SLC26A7: variants seen among roughly 807,000 people sequenced by gnomAD.
SLC26A7 encodes the protein anion exchange transporter.
SLC26A7 carries 59 observed loss-of-function variants against 82.5 expected under a neutral mutation model. The observed-to-expected ratio is 0.72, with a 90% CI of 0.58 to 0.89. SLC26A7 has a LOEUF of 0.89. Ranked by LOEUF, SLC26A7 falls within the 40% of genes least tolerant of loss-of-function variation. The pLI is 0.00. For missense variants in SLC26A7, 820 were observed against 793.0 expected (o/e 1.03, Z -0.41); for synonymous variants, 271 against 274.3 (o/e 0.99, Z 0.12).
intron 11 of SLC26A7, among the ~76,000 whole-genome samples, chr8:91,360,043 T>A (rs978170071): frequency 6.6e-6 from 1 of 152,176 alleles, no homozygotes; most frequent in Non-Finnish European, 1.5e-5. Context: ...GTCAAAACTC[T>A]CTTTGAAGTA....
rs1176491066 is a variant in SLC26A7, at chr8:91,318,460, G to C, written c.642+80G>C. The C allele has an allele frequency of 1.1e-5, 14 of 1,311,602 alleles. No individual in the cohort carries two copies. The East Asian group carries it at 3.6e-4, about 34-fold the overall frequency. The allele number at this position is 1,311,602 out of a possible 1,614,324, so 81.2% of individuals were successfully genotyped here. ...GTAGAATTTGATTAATTATAGTACT[G>C]AGATTTTTCTGTATTAAAGCAACTT... On this transcript the variant is annotated intron_variant, in intron 5 of 18. Coordinates refer to ENST00000276609, the MANE Select transcript of SLC26A7 (RefSeq NM_052832.4).
At chr8:91,337,212 A>G (rs1028730167) in intron 6 of SLC26A7, among the ~76,000 whole-genome samples, 9 of 152,160 alleles carry the variant, frequency 5.9e-5, no homozygotes, top group Admixed American at 4.6e-4. Flanking sequence ...GAACAACAGG[A>G]ATAGGGGAAA....
intron 7 of SLC26A7, among the ~76,000 whole-genome samples, chr8:91,339,295 G>A (rs544333742): frequency 4.7e-4 from 72 of 151,870 alleles, no homozygotes; most frequent in South Asian, 8.3e-4. Context: ...AAAAAGTCAC[G>A]CCACTCCTCT....
At chr8:91,247,915 G>T (rs181229522), upstream of SLC26A7, among the ~76,000 whole-genome samples, 28 of 152,156 alleles carry the variant, frequency 1.8e-4, no homozygotes, top group Admixed American at 1.4e-3. Flanking sequence ...TATTATAAAG[G>T]TAATACATAA....
At chr8:91,334,533 G>A (rs1016519656) in intron 6 of SLC26A7, 86 bp downstream of exon 6, 6 of 1,218,666 alleles carry the variant, frequency 4.9e-6, no homozygotes, top group Non-Finnish European at 4.5e-6. Context: ...TATATTGTCT[G>A]TAGTAACCCT....
chr8:91,272,323 A>G (rs915370830), intron 2 of SLC26A7, among the ~76,000 whole-genome samples: 29 of 152,226 alleles, frequency 1.9e-4, no homozygotes, highest in African/African-American at 6.5e-4. Context: ...TAGTTTACTG[A>G]TAAATTGAAG....
chr8:91,377,362 T>C (rs1447312193), intron 15 of SLC26A7, among the ~76,000 whole-genome samples: 1 of 152,142 alleles, frequency 6.6e-6, no homozygotes, highest in Non-Finnish European at 1.5e-5. Flanking sequence ...TTTGGTGAGC[T>C]GAGTGCCCAC....
chr8:91,284,483 A>C (rs74912640), intron 2 of SLC26A7, among the ~76,000 whole-genome samples: 1,788 of 152,326 alleles, frequency 0.012, 30 homozygotes, highest in African/African-American at 0.041. Flanking sequence ...GCTTTAAAAG[A>C]CTAACCACAG....
At chr8:91,311,861 T>A (rs183017417) in intron 4 of SLC26A7, among the ~76,000 whole-genome samples, 21 of 152,276 alleles carry the variant, frequency 1.4e-4, no homozygotes, top group Non-Finnish European at 2.9e-4. Flanking sequence ...TCTCAGTATA[T>A]CAGCACTTTA....
chr8:91,264,186 A>G (rs1181290856), intron 2 of SLC26A7, among the ~76,000 whole-genome samples: 1 of 152,084 alleles, frequency 6.6e-6, no homozygotes, highest in Non-Finnish European at 1.5e-5. Context: ...TCCACCTATC[A>G]CAGGAAAAGT....
intron 2 of SLC26A7, among the ~76,000 whole-genome samples, chr8:91,259,995 C>A (rs1359871595): frequency 6.6e-6 from 1 of 152,088 alleles, no homozygotes. Flanking sequence ...ACTGTTGATA[C>A]CTCTATTTTG....
intron 6 of SLC26A7, among the ~76,000 whole-genome samples, chr8:91,335,486 C>G (rs1306148277): frequency 1.3e-5 from 2 of 151,968 alleles, no homozygotes; most frequent in Non-Finnish European, 2.9e-5. Flanking sequence ...TGAAACATAC[C>G]ATCTTATCTT....
At chr8:91,307,522 C>A (rs1812347625) in intron 4 of SLC26A7, among the ~76,000 whole-genome samples, 1 of 146,036 alleles carries the variant, frequency 6.8e-6, no homozygotes. Flanking sequence ...AATTGGAAAT[C>A]ATCATTTTCA....
At chr8:91,215,675 C>T (rs988107553) in intron 1 of SLC26A7, among the ~76,000 whole-genome samples, 1 of 152,148 alleles carries the variant, frequency 6.6e-6, no homozygotes, top group African/African-American at 2.4e-5. Context: ...CACAGACCAA[C>T]TCCTTTTCCT....
At chr8:91,235,432 A>G (rs1346760902) in intron 2 of SLC26A7, among the ~76,000 whole-genome samples, 1 of 152,236 alleles carries the variant, frequency 6.6e-6, no homozygotes, top group African/African-American at 2.4e-5. Flanking sequence ...CCATGTTCAT[A>G]TCTTTACTCA....
At chr8:91,322,358 A>T (rs745444009) in intron 5 of SLC26A7, among the ~76,000 whole-genome samples, 61 of 152,298 alleles carry the variant, frequency 4.0e-4, no homozygotes, top group Non-Finnish European at 7.8e-4. Flanking sequence ...TATATTTTAA[A>T]ATAAGAAGAA....
At chr8:91,305,572 T>A (rs762313238) in intron 4 of SLC26A7, among the ~76,000 whole-genome samples, 4 of 152,126 alleles carry the variant, frequency 2.6e-5, no homozygotes, top group Non-Finnish European at 5.9e-5. Flanking sequence ...ACCAGAGGAG[T>A]CAAATTGTCT....
In SLC26A7 at chr8:91,396,187, A is replaced by G. The variant is rs1461818406; in HGVS notation, c.*1090A>G. ...TATGTTACTGTTTTCATGCTTATACATATATTTTCAATCACATACAAGTAC... is the reference window on the plus strand; with the variant it reads ...TATGTTACTGTTTTCATGCTTATACGTATATTTTCAATCACATACAAGTAC... On this transcript the variant is annotated 3_prime_UTR_variant, in exon 19 of 19. Coordinates refer to ENST00000276609, the MANE Select transcript of SLC26A7 (RefSeq NM_052832.4). 5.3e-5 allele frequency: 8 copies of G among 152,056 alleles called. No individual in the cohort carries two copies. The highest frequency in any genetic ancestry group is 1.5e-5 in the Non-Finnish European group (1 of 67,904). The allele number at this position is 152,056 out of a possible 1,614,324, so 9.4% of individuals were successfully genotyped here.
chr8:91,244,684 T>G (rs771273265), upstream of SLC26A7, among the ~76,000 whole-genome samples: 2 of 149,914 alleles, frequency 1.3e-5, no homozygotes, highest in African/African-American at 4.9e-5. Context: ...TTTCAATTAT[T>G]ATTATTATTA....
Sources: gnomAD v4.1 joint callset for allele counts (sites outside exome capture counted in the v4.1 genomes callset) on GRCh38, gnomAD v4.1.1 for gene constraint, MANE v1.5 for transcripts, NCBI Gene and HGNC (gene_info 2026-07-23, HGNC 2026-07-21) for gene names.